HECTD2: variants seen among roughly 807,000 people sequenced by gnomAD.
HECTD2 encodes HECT domain E3 ubiquitin protein ligase 2, also known as probable E3 ubiquitin-protein ligase HECTD2.
A neutral mutation model predicts 103.2 loss-of-function variants in HECTD2; 35 were observed. The observed-to-expected ratio is 0.34, with a 90% CI of 0.26 to 0.45. The LOEUF (loss-of-function observed/expected upper bound fraction) is 0.45, where lower values mean the gene tolerates loss of function less well. HECTD2 is among the 20% of genes least tolerant of loss of function. The pLI is 1.00. For missense variants in HECTD2, 596 were observed against 937.4 expected (o/e 0.64, Z 4.76); for synonymous variants, 281 against 329.9 (o/e 0.85, Z 1.61).
At chr10:91,466,300 ACTTC>A (rs1047676200) in intron 5 of HECTD2, among the ~76,000 whole-genome samples, 21 of 152,024 alleles carry the variant, frequency 1.4e-4, no homozygotes, top group Admixed American at 1.2e-3. Context: ...GTATTTTCTC[ACTTC>A]CTTTTGTGAT....
In HECTD2 at chr10:91,513,333, A is replaced by AGTT. The variant is rs1678046282; in HGVS notation, c.*952_*954dup. On this transcript the variant is annotated 3_prime_UTR_variant, in exon 21 of 21. Transcript: ENST00000298068. ...CTTATATCTACATTTTTTGATCACCAGTTGTACCAAAACACTAATTTTTGA... is the reference window on the plus strand; with the variant it reads ...CTTATATCTACATTTTTTGATCACCAGTTGTTGTACCAAAACACTAATTTTTGA... 2 of 152,494 alleles carry AGTT rather than the reference A, an allele frequency of 1.3e-5. No homozygotes were observed. The highest frequency in any genetic ancestry group is 4.1e-4 in the South Asian group (2 of 4,826). The allele number at this position is 152,494 out of a possible 1,614,324, so 9.4% of individuals were successfully genotyped here. A position where few individuals can be genotyped will look rare whatever the true frequency, so the allele number is the denominator to read the frequency against.
rs1846883674 is a variant in HECTD2, at chr10:91,501,079, AG to A, written c.2067-110del. On this transcript the variant is annotated intron_variant, in intron 19 of 20. Coordinates refer to ENST00000298068, the MANE Select transcript of HECTD2 (RefSeq NM_182765.6). ...CCATTCCTTAATTTTACAGAAATTC[AG>A]GATATTATGTATGCTTAAGGAAAGT... is the stretch of plus-strand genomic sequence containing the variant. 7.4e-6 allele frequency: 6 copies of A among 806,578 alleles called. No individual in the cohort carries two copies. The Admixed American group carries it at 1.1e-4, about 15-fold the overall frequency. The allele number at this position is 806,578 out of a possible 1,614,324, so 50.0% of individuals were successfully genotyped here. A position where few individuals can be genotyped will look rare whatever the true frequency, so the allele number is the denominator to read the frequency against.
At chr10:91,449,841 A>G (rs1290468490) in intron 2 of HECTD2, among the ~76,000 whole-genome samples, 1 of 152,226 alleles carries the variant, frequency 6.6e-6, no homozygotes, top group Non-Finnish European at 1.5e-5. Flanking sequence ...GACCTCTTCA[A>G]GGAGAACTAC....
Position 91,460,489 on chromosome 10 carries a change from T to C in HECTD2, c.331T>C (p.Ser111Pro), listed in dbSNP as rs148048715. The change falls in exon 3 of 21, where the codon TCA becomes CCA. Residue 111 changes from serine to proline, a missense_variant. Physicochemically the swap from Ser to Pro is moderately conservative, Grantham distance 74. Transcript: ENST00000298068. The part of the protein sequence containing the change: ...RQKQRTSMDA[S>P]SSEMKAPVLP... ...AAAACAGCGTACATCTATGGATGCA[T>C]CATCATCCGAAATGAAGGCCCCAGT... The C allele has an allele frequency of 1.2e-6, 2 of 1,611,854 alleles. No individual in the cohort carries two copies. Among genetic ancestry groups the C allele is most frequent in the Non-Finnish European group, 1.7e-6 (2 of 1,178,290 alleles).
At chr10:91,484,773 G>T in intron 9 of HECTD2, 118 bp downstream of exon 9, 1 of 729,638 alleles carries the variant, frequency 1.4e-6, no homozygotes. Context: ...TTCTGTGAAG[G>T]AAAGAGTTGT....
Position 91,487,899 on chromosome 10 carries a change from C to A in HECTD2, c.1191+121C>A. ...AATCAGGAATGTTAAAAGCAAAATT[C>A]GTGTTATACTCACCCAAAAAGTGCT... On this transcript the variant is annotated intron_variant, in intron 11 of 20. Transcript: ENST00000298068. This position sits in a 1 kb window ranked among gnomAD's most constrained non-coding sequence, Gnocchi z 4.1. 1 of 604,840 alleles carries A rather than the reference C, an allele frequency of 1.7e-6. No homozygotes were observed. Among genetic ancestry groups the A allele is most frequent in the Non-Finnish European group, 2.8e-6 (1 of 360,872 alleles). 37.5% of individuals were successfully genotyped at this position (604,840 alleles called of 1,614,324 possible).
At position 91,504,692 on chromosome 10, in the gene HECTD2, G is replaced by A. The variant is rs949067608; in HGVS notation, c.2210+3358G>A. Among the ~76,000 whole-genome samples, 135 of 151,874 alleles carry A rather than the reference G, an allele frequency of 8.9e-4. 2 individuals are homozygous for A. The highest frequency in any genetic ancestry group is 3.2e-3 in the African/African-American group (133 of 41,308). On this transcript the variant is annotated intron_variant, in intron 20 of 20. Coordinates refer to ENST00000298068, the MANE Select transcript of HECTD2 (RefSeq NM_182765.6). ...TGACGGGGAGAATGGAACCAAGTTGGAAAACACTCTGCAGGATATTATCCA... is the reference window on the plus strand; with the variant it reads ...TGACGGGGAGAATGGAACCAAGTTGAAAAACACTCTGCAGGATATTATCCA...
intron 20 of HECTD2, among the ~76,000 whole-genome samples, chr10:91,504,893 C>G (rs1847082541): frequency 6.6e-6 from 1 of 152,174 alleles, no homozygotes; most frequent in East Asian, 1.9e-4. Context: ...TCGGTTTACC[C>G]TCAAAGAGAA....
chr10:91,503,729 T>C (rs1847015059), intron 20 of HECTD2, among the ~76,000 whole-genome samples: 1 of 152,062 alleles, frequency 6.6e-6, no homozygotes, highest in African/African-American at 2.4e-5. Context: ...CAGGCTTGCT[T>C]AGGTAAACGA....
At chr10:91,450,173 A>G (rs1844741702) in intron 2 of HECTD2, among the ~76,000 whole-genome samples, 1 of 152,198 alleles carries the variant, frequency 6.6e-6, no homozygotes, top group Non-Finnish European at 1.5e-5. Flanking sequence ...GTACCAAAAC[A>G]GATATATAAA....
intron 5 of HECTD2, among the ~76,000 whole-genome samples, chr10:91,464,882 A>T (rs1040339177): frequency 1.3e-5 from 2 of 152,254 alleles, no homozygotes; most frequent in Non-Finnish European, 2.9e-5. Flanking sequence ...TTAAAAAATT[A>T]AATATACAGA....
chr10:91,484,347 T>C (rs1479631554), intron 8 of HECTD2, 160 bp from the exon 9 acceptor site: 1 of 1,399,664 alleles, frequency 7.1e-7, no homozygotes, highest in Non-Finnish European at 9.7e-7. Flanking sequence ...GTATTCAAGG[T>C]AAGATTTTGT....
chr10:91,431,392 A>T (rs1047572235), intron 2 of HECTD2, among the ~76,000 whole-genome samples: 1 of 151,638 alleles, frequency 6.6e-6, no homozygotes, highest in African/African-American at 2.4e-5. Context: ...ATCTTTGTGG[A>T]GTTCTCTGTA....
At chr10:91,507,577 C>A (rs1023823412) in intron 20 of HECTD2, among the ~76,000 whole-genome samples, 9 of 151,702 alleles carry the variant, frequency 5.9e-5, no homozygotes, top group South Asian at 4.2e-4. Flanking sequence ...ATGTGAAGGA[C>A]CTCTTCAAGG....
At chr10:91,418,831 G>C (rs984447112) in intron 1 of HECTD2, among the ~76,000 whole-genome samples, 1 of 152,054 alleles carries the variant, frequency 6.6e-6, no homozygotes, top group African/African-American at 2.4e-5. Flanking sequence ...TATCTTAAAT[G>C]TTTTCTATTT....
chr10:91,456,428 T>C (rs894687715), intron 2 of HECTD2, among the ~76,000 whole-genome samples: 1 of 152,192 alleles, frequency 6.6e-6, no homozygotes, highest in Non-Finnish European at 1.5e-5. Context: ...TTGATTTTTG[T>C]ATCCTGAGAC....
At chr10:91,468,840 G>A (rs1383471193) in intron 5 of HECTD2, among the ~76,000 whole-genome samples, 3 of 151,238 alleles carry the variant, frequency 2.0e-5, no homozygotes, top group Admixed American at 6.6e-5. Flanking sequence ...GGAGGCTTTA[G>A]TGGGAGGATC....
At chr10:91,460,685 C>A in intron 3 of HECTD2, 120 bp downstream of exon 3, 1 of 857,018 alleles carries the variant, frequency 1.2e-6, no homozygotes, top group Non-Finnish European at 1.6e-6. Flanking sequence ...GCCAAGAGGA[C>A]CTCAAAAGAC....
At chr10:91,473,104 G>A (rs899501372) in intron 5 of HECTD2, among the ~76,000 whole-genome samples, 4 of 152,120 alleles carry the variant, frequency 2.6e-5, no homozygotes, top group Non-Finnish European at 5.9e-5. Context: ...GATGTAAGAC[G>A]TGAATCCACA....
Sources: gnomAD v4.1 joint callset for allele counts (sites outside exome capture counted in the v4.1 genomes callset) on GRCh38, gnomAD v4.1.1 for gene constraint, Gnocchi (gnomAD v3.1) non-coding constraint, MANE v1.5 for transcripts, NCBI Gene and HGNC (gene_info 2026-07-23, HGNC 2026-07-21) for gene names.